The following MAMDC2 variants were observed in gnomAD, a reference collection of about 807,000 sequenced individuals.
MAMDC2 encodes the protein MAM domain-containing protein 2.
A neutral mutation model predicts 89.8 loss-of-function variants in MAMDC2; 57 were observed. That is an observed-to-expected ratio of 0.63 (90% CI 0.51 to 0.79). The LOEUF (loss-of-function observed/expected upper bound fraction) is 0.79, where lower values mean the gene tolerates loss of function less well. MAMDC2 is among the 30% of genes least tolerant of loss of function. MAMDC2 has a pLI of 0.00. For missense variants in MAMDC2, 800 were observed against 820.6 expected (o/e 0.97, Z 0.31); for synonymous variants, 313 against 293.4 (o/e 1.07, Z -0.68).
rs117505076 is a variant in MAMDC2 at position 70,151,465 on chromosome 9, G to C, written c.1404+7646G>C. Among the ~76,000 whole-genome samples the C allele has an allele frequency of 4.9e-3, 745 of 152,322 alleles. 33 individuals are homozygous for C. In the East Asian group the frequency reaches 0.093, roughly 19 times the overall value. ...TGCCCTGGTGCAAAGTAGGTCATCAGTAAAATTCTGTTCAATAAATTTTGT... is the reference window on the plus strand; with the variant it reads ...TGCCCTGGTGCAAAGTAGGTCATCACTAAAATTCTGTTCAATAAATTTTGT... On this transcript the variant is annotated intron_variant, in intron 9 of 13. Transcript: ENST00000377182.
intron 11 of MAMDC2, among the ~76,000 whole-genome samples, chr9:70,214,024 T>C (rs2118675863): frequency 6.6e-6 from 1 of 152,292 alleles, no homozygotes; most frequent in East Asian, 1.9e-4. Flanking sequence ...CAGATATTAA[T>C]GAGCATTTAC....
chr9:70,197,681 T>C (rs566307817), intron 11 of MAMDC2, among the ~76,000 whole-genome samples: 8 of 152,092 alleles, frequency 5.3e-5, no homozygotes, highest in Non-Finnish European at 1.2e-4. Context: ...AAAGAGACAA[T>C]AACATTCTAT....
intron 11 of MAMDC2, among the ~76,000 whole-genome samples, chr9:70,189,675 TC>T (rs1307648386): frequency 6.6e-6 from 1 of 152,124 alleles, no homozygotes; most frequent in African/African-American, 2.4e-5. Flanking sequence ...TGTTCTTTCT[TC>T]CCCTTTCTCT....
At chr9:70,172,614 A>G (rs2118540435) in intron 11 of MAMDC2, 1 of 152,786 alleles carries the variant, frequency 6.5e-6, no homozygotes, top group South Asian at 2.1e-4. Flanking sequence ...TTCTTTCTGG[A>G]ACAGTTGTTT....
chr9:70,144,363 A>T (rs2031326567), intron 9 of MAMDC2, among the ~76,000 whole-genome samples: 3 of 152,240 alleles, frequency 2.0e-5, no homozygotes, highest in Non-Finnish European at 4.4e-5. Flanking sequence ...GGGAACCGTC[A>T]GCATCTGATT....
chr9:70,218,836 A>G lies in MAMDC2; in HGVS notation c.1911+240A>G, dbSNP rs575482699. ...TTTCTTGCAGTTCTATGATAAAAGT[A>G]TATCTATTTTTGTCTTGATACATTA... On this transcript the variant is annotated intron_variant, in intron 12 of 13. Coordinates refer to ENST00000377182, the MANE Select transcript of MAMDC2 (RefSeq NM_153267.5). Among the ~76,000 whole-genome samples, 5 of 152,336 alleles carry G rather than the reference A, an allele frequency of 3.3e-5. No homozygotes were observed. The South Asian group carries it at 8.3e-4, about 25-fold the overall frequency.
At chr9:70,151,856 C>T (rs999185765) in intron 9 of MAMDC2, among the ~76,000 whole-genome samples, 3 of 152,268 alleles carry the variant, frequency 2.0e-5, no homozygotes, top group African/African-American at 7.2e-5. Context: ...AAACTGAGAG[C>T]CTGGCACACA....
At chr9:70,195,463 T>C (rs1231004506) in intron 11 of MAMDC2, among the ~76,000 whole-genome samples, 1 of 152,068 alleles carries the variant, frequency 6.6e-6, no homozygotes, top group African/African-American at 2.4e-5. Flanking sequence ...CTCTTATCTG[T>C]GATCTTGCTA....
At chr9:70,120,593 G>A (rs996525579) in intron 5 of MAMDC2, among the ~76,000 whole-genome samples, 3 of 152,204 alleles carry the variant, frequency 2.0e-5, no homozygotes, top group Non-Finnish European at 2.9e-5. Context: ...GGCTACAAGG[G>A]AGAGATGGGC....
intron 2 of MAMDC2, among the ~76,000 whole-genome samples, chr9:70,070,305 T>A (rs1415221170): frequency 1.3e-5 from 2 of 152,204 alleles, no homozygotes; most frequent in African/African-American, 4.8e-5. Context: ...CCATGTGGCC[T>A]TATAGACTTT....
At chr9:70,196,007 A>C (rs1430494266) in intron 11 of MAMDC2, among the ~76,000 whole-genome samples, 1 of 152,168 alleles carries the variant, frequency 6.6e-6, no homozygotes, top group Admixed American at 6.6e-5. Flanking sequence ...ACAGTTCCAC[A>C]AGGCTGGGGA....
chr9:70,051,654 G>T (rs1194226279), intron 2 of MAMDC2, among the ~76,000 whole-genome samples: 1 of 152,310 alleles, frequency 6.6e-6, no homozygotes, highest in African/African-American at 2.4e-5. Context: ...TAGTAGAGGT[G>T]ATGGGTATCC....
intron 9 of MAMDC2, among the ~76,000 whole-genome samples, chr9:70,155,492 G>A (rs1034462196): frequency 2.0e-5 from 3 of 152,052 alleles, no homozygotes; most frequent in Admixed American, 1.3e-4. Flanking sequence ...TGCCTCCTCT[G>A]GGAACTTATT....
chr9:70,127,837 G>A (rs2030629258), intron 6 of MAMDC2, among the ~76,000 whole-genome samples: 1 of 152,166 alleles, frequency 6.6e-6, no homozygotes, highest in African/African-American at 2.4e-5. Flanking sequence ...GAAAAGAAAT[G>A]CATGTACTGC....
intron 12 of MAMDC2, among the ~76,000 whole-genome samples, chr9:70,223,241 C>T (rs947028466): frequency 2.0e-5 from 3 of 150,440 alleles, no homozygotes; most frequent in Admixed American, 2.0e-4. Flanking sequence ...AAACACCTAA[C>T]AGTTTCATAT....
chr9:70,086,034 A>G (rs1827763490), intron 2 of MAMDC2: 1 of 152,094 alleles, frequency 6.6e-6, no homozygotes, highest in African/African-American at 2.4e-5. Context: ...ATATTTGCAT[A>G]AAGACTTTAG....
intron 11 of MAMDC2, among the ~76,000 whole-genome samples, chr9:70,209,091 G>A (rs917779014): frequency 2.0e-5 from 3 of 151,800 alleles, no homozygotes; most frequent in African/African-American, 4.8e-5. Context: ...TCTAAAATTT[G>A]CTTTTTTGTT....
At chr9:70,160,437 CAG>C (rs1016162976) in intron 9 of MAMDC2, among the ~76,000 whole-genome samples, 1 of 151,922 alleles carries the variant, frequency 6.6e-6, no homozygotes, top group African/African-American at 2.4e-5. Flanking sequence ...TCATTTTTTT[CAG>C]AGGTTTTTCT....
At chr9:70,100,021 A>AGAGAGAGAGC (rs1316783544) in intron 2 of MAMDC2, among the ~76,000 whole-genome samples, 21 of 144,522 alleles carry the variant, frequency 1.5e-4, no homozygotes, top group Non-Finnish European at 2.7e-4. Context: ...AGAGAGAGAG[A>AGAGAGAGAGC]GAGCACAAGC....
Sources: allele counts gnomAD v4.1 joint callset (sites outside exome capture counted in the v4.1 genomes callset), GRCh38; gene constraint gnomAD v4.1.1; transcripts MANE v1.5; gene names NCBI Gene and HGNC (gene_info 2026-07-23, HGNC 2026-07-21).